Variants in ATP13A3 observed in about 807,000 individuals in gnomAD.
ATP13A3 encodes the protein polyamine-transporting ATPase 13A3.
A neutral mutation model predicts 158.1 loss-of-function variants in ATP13A3; 59 were observed. The ratio of observed to expected loss-of-function variants is 0.37; its 90% confidence interval spans 0.30 to 0.46. The LOEUF is 0.46. ATP13A3 is among the 20% of genes least tolerant of loss of function. The probability of loss-of-function intolerance (pLI) is 1.00; values close to 1 mark genes in which losing one functional copy is unlikely to be tolerated. For missense variants in ATP13A3, 1,166 were observed against 1,525.2 expected, an observed-to-expected ratio of 0.76 and a Z score of 3.92; for synonymous variants, 491 against 504.3, an observed-to-expected ratio of 0.97 and a Z score of 0.35.
At chr3:194,466,741 C>T (rs952051778) in intron 2 of ATP13A3, among the ~76,000 whole-genome samples, 3 of 152,114 alleles carry the variant, frequency 2.0e-5, no homozygotes, top group South Asian at 2.1e-4. Context: ...GTCTCAGCTA[C>T]TCAGGAGGCT....
intron 33 of ATP13A3, among the ~76,000 whole-genome samples, chr3:194,406,945 A>C (rs557455620): frequency 2.6e-5 from 4 of 152,320 alleles, no homozygotes; most frequent in Non-Finnish European, 5.9e-5. Context: ...GTATTATTTC[A>C]TTGCAAAAAG....
chr3:194,486,634 G>A lies in ATP13A3; in HGVS notation c.-157C>T, dbSNP rs1453513193. On this transcript the variant is annotated 5_prime_UTR_variant, in exon 1 of 34. Coordinates refer to ENST00000645319, the MANE Select transcript of ATP13A3 (RefSeq NM_001367549.1). ...CTCCCTCGCGGCCGGACCAGCCCCA[G>A]GGACCGCGGGGGACCCGGCCGCCGC... The A allele has an allele frequency of 1.3e-5, 2 of 148,692 alleles. No individual in the cohort carries two copies. Among genetic ancestry groups the A allele is most frequent in the African/African-American group, 2.4e-5 (1 of 40,846 alleles). 9.2% of individuals were successfully genotyped at this position (148,692 alleles called of 1,614,324 possible).
chr3:194,449,554 TGTA>T (rs1245437211), intron 11 of ATP13A3, among the ~76,000 whole-genome samples: 1 of 152,144 alleles, frequency 6.6e-6, no homozygotes, highest in Admixed American at 6.5e-5. Flanking sequence ...GGCACACACC[TGTA>T]GTCCCAGCTA....
intron 31 of ATP13A3, 91 bp from the exon 32 acceptor site, chr3:194,413,930 A>G: frequency 9.1e-7 from 1 of 1,096,548 alleles, no homozygotes; most frequent in East Asian, 2.4e-5. Context: ...TTGAATTCCT[A>G]TGATGTACCA....
chr3:194,477,208 G>T (rs1325667264), intron 2 of ATP13A3, among the ~76,000 whole-genome samples: 1 of 152,106 alleles, frequency 6.6e-6, no homozygotes, highest in African/African-American at 2.4e-5. Flanking sequence ...AGCTTTGATT[G>T]TCCCTTCCAT....
chr3:194,480,623 T>C (rs80174232), intron 2 of ATP13A3, among the ~76,000 whole-genome samples: 2 of 152,340 alleles, frequency 1.3e-5, no homozygotes, highest in African/African-American at 2.4e-5. Context: ...CTTTTAATTA[T>C]ACTAGATCTT....
In ATP13A3 at chr3:194,430,197, A is replaced by G; in HGVS notation, c.2668-16T>C. 1 of 1,613,702 alleles carries G rather than the reference A, an allele frequency of 6.2e-7. No homozygotes were observed. The highest frequency in any genetic ancestry group is 1.1e-5 in the South Asian group (1 of 90,984). Reference sequence around the variant, plus strand: ...TCTTCAAAGCCTAATAATTTTAAGAAAACTGGTTAAGTTTTGTGAATATGA... The same window carrying G: ...TCTTCAAAGCCTAATAATTTTAAGAGAACTGGTTAAGTTTTGTGAATATGA... On this transcript the variant is annotated splice_polypyrimidine_tract_variant and intron_variant, in intron 25 of 33. Transcript: ENST00000645319.
intron 30 of ATP13A3, among the ~76,000 whole-genome samples, chr3:194,422,507 A>G (rs943446137): frequency 6.6e-6 from 1 of 152,222 alleles, no homozygotes; most frequent in Non-Finnish European, 1.5e-5. Context: ...TTACAGTCAA[A>G]TTATTTTATC....
At chr3:194,469,183 T>C (rs1044281030) in intron 2 of ATP13A3, among the ~76,000 whole-genome samples, 1 of 149,334 alleles carries the variant, frequency 6.7e-6, no homozygotes, top group Non-Finnish European at 1.5e-5. Flanking sequence ...CACAGCTGGG[T>C]GCAGTGGCTC....
At chr3:194,431,497 T>C (rs1474085692) in intron 22 of ATP13A3, among the ~76,000 whole-genome samples, 1 of 152,216 alleles carries the variant, frequency 6.6e-6, no homozygotes. Context: ...TCTTGTACTT[T>C]AAAACTATGC....
rs1330840138 is a variant in ATP13A3, at chr3:194,464,339, C to T, written c.-46-2103G>A. Among the ~76,000 whole-genome samples, 5 of 152,122 alleles carry T rather than the reference C, an allele frequency of 3.3e-5. No individual in the cohort carries two copies. The East Asian group carries it at 9.6e-4, about 29-fold the overall frequency. ...GAGAAACCTTACACACTATCGGGTC[C>T]GACTTCCTCTAAACAAGCCGTATGA... On this transcript the variant is annotated intron_variant, in intron 2 of 33. Coordinates refer to ENST00000645319, the MANE Select transcript of ATP13A3 (RefSeq NM_001367549.1).
chr3:194,408,497 A>G (rs888647927), intron 33 of ATP13A3, among the ~76,000 whole-genome samples: 3 of 152,358 alleles, frequency 2.0e-5, no homozygotes, highest in African/African-American at 7.2e-5. Context: ...AAACACACAC[A>G]TATCTCAATT....
chr3:194,448,125 T>C lies in ATP13A3; in HGVS notation c.1151-116A>G, dbSNP rs995960225. ...CAGAGTCTCGCTCTGTCACCCAGGCTGGAGTACAGTGGTGTGATCTCGACT... is the reference window on the plus strand; with the variant it reads ...CAGAGTCTCGCTCTGTCACCCAGGCCGGAGTACAGTGGTGTGATCTCGACT... On this transcript the variant is annotated intron_variant, in intron 12 of 33. Coordinates refer to ENST00000645319, the MANE Select transcript of ATP13A3 (RefSeq NM_001367549.1). This position sits in a 1 kb window ranked among gnomAD's most constrained non-coding sequence, Gnocchi z 4.0. 44 of 1,002,204 alleles carry C rather than the reference T, an allele frequency of 4.4e-5. No individual in the cohort carries two copies. The highest frequency in any genetic ancestry group is 6.4e-5 in the Non-Finnish European group (43 of 670,652). 62.1% of individuals were successfully genotyped at this position (1,002,204 alleles called of 1,614,324 possible). A position where few individuals can be genotyped will look rare whatever the true frequency, so the allele number is the denominator to read the frequency against.
rs1261356866 is a variant in ATP13A3 at position 194,456,101 on chromosome 3, T to A, written c.561-139A>T. On this transcript the variant is annotated intron_variant, in intron 7 of 33. Transcript: ENST00000645319. ...AACACCTGTCTTCTATAATTCAAACTCTCTACCTACAGAATTTAAAACAAA... is the reference window on the plus strand; with the variant it reads ...AACACCTGTCTTCTATAATTCAAACACTCTACCTACAGAATTTAAAACAAA... 4.8e-5 allele frequency: 24 copies of A among 496,454 alleles called. 1 individual carries two copies. Among genetic ancestry groups the A allele is most frequent in the South Asian group, 2.7e-4 (7 of 25,996 alleles). 30.8% of individuals were successfully genotyped at this position (496,454 alleles called of 1,614,324 possible).
chr3:194,420,924 C>T (rs1716243239), intron 30 of ATP13A3, among the ~76,000 whole-genome samples: 1 of 150,470 alleles, frequency 6.6e-6, no homozygotes, highest in African/African-American at 2.5e-5. Flanking sequence ...ATCATGAAGC[C>T]TCCAGACTGG....
chr3:194,431,364 C>A, intron 22 of ATP13A3, 138 bp from the exon 23 acceptor site: 1 of 1,105,586 alleles, frequency 9.0e-7, no homozygotes, highest in East Asian at 2.6e-5. Context: ...GACATTTATT[C>A]AAAGTAAAAA....
At chr3:194,484,805 C>G (rs928646951) in intron 2 of ATP13A3, among the ~76,000 whole-genome samples, 3 of 152,022 alleles carry the variant, frequency 2.0e-5, no homozygotes, top group Non-Finnish European at 4.4e-5. Context: ...CCTGTAATAC[C>G]AGCACTTTGG....
In ATP13A3 at chr3:194,437,397, A is replaced by G. The variant is rs1717726006; in HGVS notation, c.1913T>C (p.Val638Ala). 1.9e-6 allele frequency: 3 copies of G among 1,614,090 alleles called. No homozygotes were observed. In the African/African-American group the frequency reaches 4.0e-5, roughly 22 times the overall value. ...TTTCCTATCCCCCAGCACCCTGGCA[A>G]CCACACTCATACGTTGCAAAGCAGA... ...FSSALQRMSV[V>A]ARVLGDRKMD... Residue 638 changes from valine to alanine, a missense_variant, in exon 19 of 34, where the codon GTT becomes GCT. This residue lies in a region of ATP13A3 where 997 missense variants were observed against 1,341.2 expected (regional missense o/e 0.74). Coordinates refer to ENST00000645319, the MANE Select transcript of ATP13A3 (RefSeq NM_001367549.1).
upstream of ATP13A3, among the ~76,000 whole-genome samples, chr3:194,489,171 G>T (rs1214008161): frequency 6.6e-6 from 1 of 152,166 alleles, no homozygotes. The surrounding 1 kb of genome is among the most constrained non-coding windows in gnomAD (Gnocchi z 4.1). Context: ...TGGGCTGGGC[G>T]CAGTGGCTCA....
Sources: gnomAD v4.1 joint callset for allele counts (sites outside exome capture counted in the v4.1 genomes callset) on GRCh38, gnomAD v4.1.1 for gene constraint, gnomAD v4.1.1 regional missense constraint, Gnocchi (gnomAD v3.1) non-coding constraint, MANE v1.5 for transcripts, NCBI Gene and HGNC (gene_info 2026-07-23, HGNC 2026-07-21) for gene names.